The following WWOX variants were observed in gnomAD, a reference collection of about 807,000 sequenced individuals.
WWOX encodes the protein WW domain-containing oxidoreductase.
In WWOX, 69 loss-of-function variants were observed where a neutral mutation model predicts 46.2. That is an observed-to-expected ratio of 1.49 (90% CI 1.23 to 1.82). The LOEUF (loss-of-function observed/expected upper bound fraction) is 1.82. Ranked by LOEUF, WWOX falls within the 40% of genes most tolerant of loss-of-function variation. The probability of loss-of-function intolerance (pLI) is 0.00; values close to 1 mark genes in which losing one functional copy is unlikely to be tolerated. For synonymous variants in WWOX, 359 were observed against 202.6 expected (o/e 1.77, Z -6.56); for missense variants, 919 against 542.6 (o/e 1.69, Z -6.89).
intron 4 of WWOX, among the ~76,000 whole-genome samples, chr16:78,122,247 G>A (rs147160487): frequency 3.3e-5 from 5 of 152,120 alleles, no homozygotes; most frequent in African/African-American, 9.7e-5. Context: ...CGAGGATAAG[G>A]GGGGGCTACT....
intron 8 of WWOX, among the ~76,000 whole-genome samples, chr16:79,133,147 G>A (rs1482785722): frequency 1.3e-5 from 2 of 152,170 alleles, no homozygotes; most frequent in Non-Finnish European, 2.9e-5. Context: ...GTGTGTGCCC[G>A]AGTTTATTTT....
chr16:79,021,583 A>T (rs921919869), intron 8 of WWOX, among the ~76,000 whole-genome samples: 1 of 152,184 alleles, frequency 6.6e-6, no homozygotes, highest in Admixed American at 6.5e-5. Flanking sequence ...ACAGTGGGTG[A>T]AAACGATGTT....
At chr16:78,851,116 C>G (rs1247833910) in intron 8 of WWOX, among the ~76,000 whole-genome samples, 1 of 152,106 alleles carries the variant, frequency 6.6e-6, no homozygotes, top group Non-Finnish European at 1.5e-5. Flanking sequence ...TGGTATTTAC[C>G]TTGATGAGTT....
intron 8 of WWOX, among the ~76,000 whole-genome samples, chr16:79,170,170 T>C (rs2050672781): frequency 6.6e-6 from 1 of 152,240 alleles, no homozygotes; most frequent in Admixed American, 6.5e-5. Context: ...ACCATGTTTT[T>C]CCAGTGGAAA....
intron 8 of WWOX, among the ~76,000 whole-genome samples, chr16:78,614,803 A>G (rs2045981631): frequency 6.6e-6 from 1 of 152,164 alleles, no homozygotes; most frequent in African/African-American, 2.4e-5. Flanking sequence ...ATGTTTTTTT[A>G]AGTTAACTTC....
At chr16:79,192,137 C>T (rs1336505118) in intron 8 of WWOX, among the ~76,000 whole-genome samples, 3 of 152,182 alleles carry the variant, frequency 2.0e-5, no homozygotes, top group African/African-American at 7.2e-5. Context: ...ATTAGGTGGG[C>T]AGGGAGCTCT....
At chr16:78,549,742 C>T (rs1366414983) in intron 8 of WWOX, among the ~76,000 whole-genome samples, 1 of 152,124 alleles carries the variant, frequency 6.6e-6, no homozygotes, top group Non-Finnish European at 1.5e-5. Flanking sequence ...ACGGCTTAAT[C>T]CTACAGTTTA....
chr16:79,211,807 G>C lies in WWOX; in HGVS notation c.*11G>C. Reference sequence around the variant, plus strand: ...AGCCAGTCCGGCTAAGTGGAGCTCAGAGCGGATGGGCACACACACCCGCCC... The same window carrying C: ...AGCCAGTCCGGCTAAGTGGAGCTCACAGCGGATGGGCACACACACCCGCCC... On this transcript the variant is annotated 3_prime_UTR_variant, in exon 9 of 9. Coordinates refer to ENST00000566780, the MANE Select transcript of WWOX (RefSeq NM_016373.4). The C allele has an allele frequency of 6.2e-7, 1 of 1,613,998 alleles. No homozygotes were observed. Among genetic ancestry groups the C allele is most frequent in the Non-Finnish European group, 8.5e-7 (1 of 1,180,008 alleles).
intron 5 of WWOX, among the ~76,000 whole-genome samples, chr16:78,378,533 A>G (rs2081881880): frequency 6.6e-6 from 1 of 152,212 alleles, no homozygotes; most frequent in South Asian, 2.1e-4. Flanking sequence ...AGTCCCACAT[A>G]TGATATTGAT....
chr16:78,548,664 C>T (rs889686106), intron 8 of WWOX, among the ~76,000 whole-genome samples: 2 of 152,286 alleles, frequency 1.3e-5, no homozygotes, highest in South Asian at 4.1e-4. Context: ...CATCCGCCTG[C>T]CACAGAAGTG....
chr16:78,609,516 AG>A (rs1431714034), intron 8 of WWOX, among the ~76,000 whole-genome samples: 1 of 151,234 alleles, frequency 6.6e-6, no homozygotes, highest in Non-Finnish European at 1.5e-5. Context: ...CATGCCTCTG[AG>A]GTTTTTTTTT....
At chr16:78,926,898 G>C (rs1352846642) in intron 8 of WWOX, among the ~76,000 whole-genome samples, 1 of 152,144 alleles carries the variant, frequency 6.6e-6, no homozygotes, top group African/African-American at 2.4e-5. Flanking sequence ...CTGGGCTCAA[G>C]TGATCCTCCC....
intron 8 of WWOX, among the ~76,000 whole-genome samples, chr16:78,843,961 T>C (rs2052230204): frequency 6.6e-6 from 1 of 152,106 alleles, no homozygotes; most frequent in Non-Finnish European, 1.5e-5. Flanking sequence ...CATTTCCTAA[T>C]TATGTGTAAT....
chr16:78,490,467 A>G (rs909695165), intron 8 of WWOX, among the ~76,000 whole-genome samples: 3 of 152,180 alleles, frequency 2.0e-5, no homozygotes, highest in Non-Finnish European at 4.4e-5. Flanking sequence ...TCATTGTTGT[A>G]GTTCCCGCAA....
chr16:78,462,762 G>A (rs1307834116), intron 8 of WWOX, among the ~76,000 whole-genome samples: 1 of 152,144 alleles, frequency 6.6e-6, no homozygotes, highest in Non-Finnish European at 1.5e-5. Flanking sequence ...TTGTAAACTC[G>A]TCCTGCCGCC....
At chr16:78,958,689 A>G (rs2046216922) in intron 8 of WWOX, among the ~76,000 whole-genome samples, 1 of 152,198 alleles carries the variant, frequency 6.6e-6, no homozygotes, top group African/African-American at 2.4e-5. Flanking sequence ...CAGACAACTG[A>G]AATATAAATT....
intron 8 of WWOX, among the ~76,000 whole-genome samples, chr16:78,617,630 A>T (rs1207677333): frequency 1.3e-5 from 2 of 152,036 alleles, no homozygotes; most frequent in Non-Finnish European, 2.9e-5. Context: ...CCAATCCCAA[A>T]CTAGAAGTGA....
intron 8 of WWOX, among the ~76,000 whole-genome samples, chr16:78,783,273 C>G (rs1447120982): frequency 1.3e-5 from 2 of 152,222 alleles, no homozygotes; most frequent in African/African-American, 2.4e-5. Context: ...TCCTGTTAAG[C>G]TCTCCTTACA....
In WWOX at chr16:78,915,086, C is replaced by G. The variant is rs2045216380; in HGVS notation, c.1057-296522C>G. Among the ~76,000 whole-genome samples the G allele has an allele frequency of 3.3e-5, 5 of 152,128 alleles. No homozygotes were observed. In the South Asian group the frequency reaches 8.3e-4, roughly 25 times the overall value. On this transcript the variant is annotated intron_variant, in intron 8 of 8. Transcript: ENST00000566780. ...GGGCTCTGAGCAGGAGATGGAAGAC[C>G]TCTTGGCTGGTTAAATGGAGATCAA...
Sources: allele counts gnomAD v4.1 joint callset (sites outside exome capture counted in the v4.1 genomes callset), GRCh38; gene constraint gnomAD v4.1.1; transcripts MANE v1.5; gene names NCBI Gene and HGNC (gene_info 2026-07-23, HGNC 2026-07-21).